ABTB3: variants seen among roughly 807,000 people sequenced by gnomAD.
The protein encoded by ABTB3 is ankyrin repeat and BTB domain containing 3, also known as ankyrin repeat- and BTB/POZ domain-containing protein 3.
At chr12:107,475,054 G>A in the ABTB3 span, among the ~76,000 whole-genome samples, 1 of 152,144 alleles carries the variant, frequency 6.6e-6, no homozygotes, top group Non-Finnish European at 1.5e-5. Context: ...CACTCTCAGG[G>A]TGATTTTTTA....
chr12:107,568,126 T>C, the ABTB3 span, among the ~76,000 whole-genome samples: 1 of 152,184 alleles, frequency 6.6e-6, no homozygotes, highest in Non-Finnish European at 1.5e-5. Flanking sequence ...ACTAAACATA[T>C]GGACTTTGGA....
the ABTB3 span, chr12:107,318,980 G>A: frequency 5.6e-6 from 9 of 1,613,744 alleles, no homozygotes; most frequent in South Asian, 9.9e-5. Flanking sequence ...GAGAACGCTG[G>A]AGGATCTGAC....
At chr12:107,352,172 G>A in the ABTB3 span, among the ~76,000 whole-genome samples, 2 of 152,186 alleles carry the variant, frequency 1.3e-5, no homozygotes, top group Non-Finnish European at 2.9e-5. Context: ...TTAGGAGGCA[G>A]GTGCAGGGTG....
chr12:107,653,343 C>T, the ABTB3 span, among the ~76,000 whole-genome samples: 7 of 152,058 alleles, frequency 4.6e-5, no homozygotes, highest in Admixed American at 3.3e-4. Flanking sequence ...GGTGAAACCC[C>T]GTCTCTACTA....
the ABTB3 span, among the ~76,000 whole-genome samples, chr12:107,653,936 A>C: frequency 6.6e-6 from 1 of 151,974 alleles, no homozygotes; most frequent in Non-Finnish European, 1.5e-5. Flanking sequence ...TAAACACCAA[A>C]TCCTCATTCC....
chr12:107,469,716 C>T, the ABTB3 span, among the ~76,000 whole-genome samples: 16 of 152,240 alleles, frequency 1.1e-4, no homozygotes, highest in South Asian at 6.2e-4. Flanking sequence ...CTGGCACACA[C>T]GAGCACTTAT....
chr12:107,542,080 C>T, the ABTB3 span, among the ~76,000 whole-genome samples: 19 of 152,150 alleles, frequency 1.2e-4, no homozygotes, highest in African/African-American at 4.1e-4. Flanking sequence ...GAGGCCAAGG[C>T]GGGCGGATCA....
the ABTB3 span, among the ~76,000 whole-genome samples, chr12:107,516,686 G>A: frequency 2.0e-5 from 3 of 152,206 alleles, no homozygotes; most frequent in South Asian, 2.1e-4. Context: ...CAGTGGGGAC[G>A]AGAGCAGGAG....
At chr12:107,646,094 C>G in the ABTB3 span, among the ~76,000 whole-genome samples, 2 of 152,234 alleles carry the variant, frequency 1.3e-5, no homozygotes, top group Non-Finnish European at 2.9e-5. Flanking sequence ...CGGCAAGGGC[C>G]GGACGCAGCT....
At chr12:107,355,594 A>G in the ABTB3 span, among the ~76,000 whole-genome samples, 2 of 152,164 alleles carry the variant, frequency 1.3e-5, no homozygotes, top group Non-Finnish European at 2.9e-5. Context: ...CCAACTTTCT[A>G]TTACAGGCTC....
At chr12:107,319,296 C>A in the ABTB3 span, 22 of 1,542,812 alleles carry the variant, frequency 1.4e-5, no homozygotes, top group South Asian at 1.7e-4. Context: ...GCAGGCCCGG[C>A]GGTCCCCGGC....
At chr12:107,499,088 T>C in the ABTB3 span, among the ~76,000 whole-genome samples, 1 of 152,170 alleles carries the variant, frequency 6.6e-6, no homozygotes, top group African/African-American at 2.4e-5. Flanking sequence ...TGCCCTCTCA[T>C]GCCCAGGTCT....
At chr12:107,500,341 C>T in the ABTB3 span, among the ~76,000 whole-genome samples, 1 of 152,174 alleles carries the variant, frequency 6.6e-6, no homozygotes, top group Non-Finnish European at 1.5e-5. Context: ...TGTGCTTCCC[C>T]ATGCCCACCC....
At chr12:107,321,630 CAT>C in the ABTB3 span, among the ~76,000 whole-genome samples, 846 of 17,872 alleles carry the variant, frequency 0.047, 5 homozygotes, top group African/African-American at 0.15. Context: ...CACACACACA[CAT>C]CCTGAAATAT....
At chr12:107,337,039 GA>G in the ABTB3 span, among the ~76,000 whole-genome samples, 1 of 152,234 alleles carries the variant, frequency 6.6e-6, no homozygotes. Context: ...GAAAGGAAAT[GA>G]TTGCCCATTA....
At chr12:107,650,453 T>A in the ABTB3 span, 3 of 152,214 alleles carry the variant, frequency 2.0e-5, no homozygotes, top group Admixed American at 2.0e-4. Context: ...CTCTCTTGTC[T>A]CCCTGGACTA....
At chr12:107,321,318 CGTGT>C in the ABTB3 span, among the ~76,000 whole-genome samples, 3 of 152,148 alleles carry the variant, frequency 2.0e-5, no homozygotes, top group African/African-American at 7.2e-5. Flanking sequence ...CGCGTCTGTG[CGTGT>C]GTAAGTGTGC....
chr12:107,594,782 C>T, the ABTB3 span, among the ~76,000 whole-genome samples: 8 of 152,114 alleles, frequency 5.3e-5, no homozygotes, highest in African/African-American at 9.6e-5. Context: ...TTTCTGAAGG[C>T]GCCATTTTAT....
the ABTB3 span, among the ~76,000 whole-genome samples, chr12:107,482,282 AG>A: frequency 1.3e-5 from 2 of 152,098 alleles, no homozygotes; most frequent in Non-Finnish European, 2.9e-5. Flanking sequence ...CTACCTCCAA[AG>A]GATCTACCCA....
Sources: gnomAD v4.1 joint callset for allele counts (sites outside exome capture counted in the v4.1 genomes callset) on GRCh38, gnomAD v4.1.1 for gene constraint, MANE v1.5 for transcripts, NCBI Gene and HGNC (gene_info 2026-07-23, HGNC 2026-07-21) for gene names.